The following SMG7 variants were observed in gnomAD, a reference collection of about 807,000 sequenced individuals.
SMG7 encodes the protein nonsense-mediated mRNA decay factor SMG7.
Under a neutral mutation model 148.2 loss-of-function variants are expected in SMG7, and 34 were observed. The observed-to-expected ratio is 0.23, with a 90% CI of 0.17 to 0.31. The LOEUF (loss-of-function observed/expected upper bound fraction) is 0.31. Among genes scored for constraint, SMG7 ranks in the 10% least tolerant of loss-of-function variants. The probability of loss-of-function intolerance (pLI) is 1.00; values close to 1 mark genes in which losing one functional copy is unlikely to be tolerated. For missense variants in SMG7, 1,114 were observed against 1,408.4 expected, an observed-to-expected ratio of 0.79 and a Z score of 3.35; for synonymous variants, 492 against 515.1, an observed-to-expected ratio of 0.96 and a Z score of 0.61.
Position 183,533,285 on chromosome 1 carries a change from A to G in SMG7, c.965A>G (p.Gln322Arg). The change falls in exon 9 of 23, where the codon CAA (glutamine) becomes CGA (arginine). Residue 322 changes from glutamine to arginine, a missense_variant. This residue lies in a region of SMG7 where 102 missense variants were observed against 147.2 expected (regional missense o/e 0.69). Coordinates refer to ENST00000688051, the MANE Select transcript of SMG7 (RefSeq NM_001375584.1). ...GAAACCGAGCAGCACACTTATAGCC[A>G]AGATGAGCAGCTATGTTGGACACAG... ...SNETEQHTYS[Q>R]DEQLCWTQLL... is the part of the protein sequence containing the mutation. The G allele has an allele frequency of 6.2e-7, 1 of 1,613,974 alleles. No homozygotes were observed. Among genetic ancestry groups the G allele is most frequent in the Non-Finnish European group, 8.5e-7 (1 of 1,179,852 alleles).
intron 20 of SMG7, 66 bp from the exon 21 acceptor site, chr1:183,550,685 C>A: frequency 1.3e-6 from 2 of 1,491,942 alleles, no homozygotes; most frequent in Non-Finnish European, 1.9e-6. Flanking sequence ...TCTACAGGAA[C>A]CTGTAGTTCT....
chr1:183,551,787 C>A, intron 22 of SMG7, 31 bp from the exon 23 acceptor site: 1 of 1,530,334 alleles, frequency 6.5e-7, no homozygotes, highest in Non-Finnish European at 8.9e-7. Flanking sequence ...GGCATTTGAC[C>A]TCTGCTGACA....
At chr1:183,473,427 T>TGC (rs908055120) in intron 1 of SMG7, among the ~76,000 whole-genome samples, 3 of 151,836 alleles carry the variant, frequency 2.0e-5, no homozygotes, top group African/African-American at 7.3e-5. Context: ...TGTGTGTGTG[T>TGC]GCGAGATGTG....
chr1:183,504,410 G>A (rs1364464172), intron 1 of SMG7, among the ~76,000 whole-genome samples: 2 of 150,306 alleles, frequency 1.3e-5, no homozygotes, highest in Admixed American at 1.3e-4. Flanking sequence ...GTGTGATCTC[G>A]GCTCACTGCA....
chr1:183,509,819 G>T (rs926045928), intron 1 of SMG7, among the ~76,000 whole-genome samples: 2 of 152,056 alleles, frequency 1.3e-5, no homozygotes, highest in Admixed American at 1.3e-4. Context: ...TAGTTTTACG[G>T]TTTTTCTTGG....
At position 183,500,013 on chromosome 1, in the gene SMG7, G is replaced by A. The variant is rs554444847; in HGVS notation, c.30-12824G>A. Among the ~76,000 whole-genome samples, 18 of 152,172 alleles carry A rather than the reference G, an allele frequency of 1.2e-4. No homozygotes were observed. In the South Asian group the frequency reaches 3.7e-3, roughly 32 times the overall value. ...AGGTACAGGGGTTGTTGCAAAAAAA[G>A]GACTATTTTTAAAAAGGCATTGGGT... On this transcript the variant is annotated intron_variant, in intron 1 of 22. Coordinates refer to ENST00000688051, the MANE Select transcript of SMG7 (RefSeq NM_001375584.1).
At chr1:183,484,467 G>A (rs896429288) in intron 1 of SMG7, among the ~76,000 whole-genome samples, 1 of 144,278 alleles carries the variant, frequency 6.9e-6, no homozygotes, top group Non-Finnish European at 1.5e-5. Context: ...CTGCTTTTTT[G>A]TTACCTGTGC....
intron 1 of SMG7, among the ~76,000 whole-genome samples, chr1:183,486,575 C>T (rs988347995): frequency 6.0e-5 from 9 of 149,828 alleles, no homozygotes; most frequent in Non-Finnish European, 5.9e-5. Flanking sequence ...CACGCCTGGC[C>T]GATTTTTGTG....
At chr1:183,478,574 A>G (rs1396249656) in intron 1 of SMG7, among the ~76,000 whole-genome samples, 1 of 152,136 alleles carries the variant, frequency 6.6e-6, no homozygotes, top group African/African-American at 2.4e-5. Flanking sequence ...TGGTAGAAGA[A>G]GCAATTGCTG....
chr1:183,538,575 G>T, intron 12 of SMG7, 135 bp downstream of exon 12: 1 of 681,170 alleles, frequency 1.5e-6, no homozygotes, highest in South Asian at 1.7e-5. Context: ...AACTAATACT[G>T]AAAGTTGTTG....
At position 183,517,709 on chromosome 1, in the gene SMG7, T is replaced by C; in HGVS notation, c.201T>C (p.Asn67=). 1 of 1,614,068 alleles carries C rather than the reference T, an allele frequency of 6.2e-7. No homozygotes were observed. The highest frequency in any genetic ancestry group is 8.5e-7 in the Non-Finnish European group (1 of 1,179,970). Residue 67 remains asparagine (N), a synonymous_variant, in exon 4 of 23, where the codon AAT becomes AAC. Coordinates refer to ENST00000688051, the MANE Select transcript of SMG7 (RefSeq NM_001375584.1). ...TCAGCTGGAATCACGCCTTTAAGAA[T>C]CAGATCACAACACTGCAAGGCCAGG... ...EQDLWNHAFK[N]QITTLQGQAK...
intron 1 of SMG7, among the ~76,000 whole-genome samples, chr1:183,499,526 G>T (rs1048546513): frequency 4.6e-5 from 7 of 152,086 alleles, no homozygotes; most frequent in African/African-American, 1.2e-4. Context: ...ATGCTTATTT[G>T]CCATCTGTGT....
chr1:183,480,626 C>G (rs1389816701), intron 1 of SMG7, among the ~76,000 whole-genome samples: 1 of 152,152 alleles, frequency 6.6e-6, no homozygotes, highest in Non-Finnish European at 1.5e-5. Flanking sequence ...TAAAAAGAGA[C>G]TGTGCCCTCA....
chr1:183,536,497 T>C (rs942979956), intron 10 of SMG7, among the ~76,000 whole-genome samples: 1 of 152,254 alleles, frequency 6.6e-6, no homozygotes, highest in Non-Finnish European at 1.5e-5. Flanking sequence ...TAATGGAAAC[T>C]TTAACATACC....
chr1:183,497,057 A>G (rs1658654605), intron 1 of SMG7, among the ~76,000 whole-genome samples: 1 of 152,180 alleles, frequency 6.6e-6, no homozygotes, highest in Non-Finnish European at 1.5e-5. Context: ...GATGACTCCC[A>G]AATGATATCT....
At chr1:183,541,992 A>G (rs1668965544) in intron 13 of SMG7, 84 bp from the exon 14 acceptor site, 9 of 1,122,218 alleles carry the variant, frequency 8.0e-6, no homozygotes, top group South Asian at 3.0e-5. Context: ...TGCTAGGAAT[A>G]TATTGACTTG....
chr1:183,543,951 T>C (rs1669430889), intron 14 of SMG7, among the ~76,000 whole-genome samples: 1 of 152,128 alleles, frequency 6.6e-6, no homozygotes, highest in African/African-American at 2.4e-5. Flanking sequence ...TAATAGTCAT[T>C]ATTAGTTCAT....
At chr1:183,520,041 A>G (rs1343910523) in intron 4 of SMG7, among the ~76,000 whole-genome samples, 3 of 150,338 alleles carry the variant, frequency 2.0e-5, no homozygotes. Flanking sequence ...TTTTTTTTGC[A>G]ATACCTTTTC....
intron 2 of SMG7, among the ~76,000 whole-genome samples, chr1:183,513,812 C>T (rs1662767394): frequency 6.6e-6 from 1 of 151,924 alleles, no homozygotes; most frequent in Non-Finnish European, 1.5e-5. Context: ...AGTGGATCAC[C>T]TGAGGCCAAG....
Sources: gnomAD v4.1 joint callset for allele counts (sites outside exome capture counted in the v4.1 genomes callset) on GRCh38, gnomAD v4.1.1 for gene constraint, gnomAD v4.1.1 regional missense constraint, MANE v1.5 for transcripts, NCBI Gene and HGNC (gene_info 2026-07-23, HGNC 2026-07-21) for gene names.